Variants in HTR2C observed in about 807,000 individuals in gnomAD.
HTR2C encodes the protein 5-hydroxytryptamine (serotonin) receptor 2C, G protein-coupled.
Under a neutral mutation model 21.0 loss-of-function variants are expected in HTR2C, and 5 were observed. The ratio of observed to expected loss-of-function variants is 0.24; its 90% confidence interval spans 0.12 to 0.50. The LOEUF is 0.50. Ranked by LOEUF, HTR2C falls within the 20% of genes least tolerant of loss-of-function variation. HTR2C has a pLI of 0.98. For missense variants in HTR2C, 271 were observed against 371.2 expected (o/e 0.73, Z 2.22); for synonymous variants, 150 against 145.3 (o/e 1.03, Z -0.23).
intron 4 of HTR2C, among the ~76,000 whole-genome samples, chrX:114,805,968 T>TATATATATACC (rs2070420299): frequency 9.6e-5 from 3 of 31,274 alleles, no homozygotes; most frequent in Non-Finnish European, 2.3e-4. Context: ...ATATATACCA[T>TATATATATACC]ATATATACAC....
At chrX:114,776,792 G>A in intron 4 of HTR2C, 1 of 286,269 alleles carries the variant, frequency 3.5e-6, no homozygotes, top group South Asian at 5.1e-5. Context: ...TGGCGTGTAG[G>A]GCCGGCTCTG....
chrX:114,826,321 C>G (rs924275367), intron 4 of HTR2C, among the ~76,000 whole-genome samples: 28 of 111,011 alleles, frequency 2.5e-4, no homozygotes, highest in African/African-American at 7.9e-4. Flanking sequence ...CCACCTCAGC[C>G]TCCCAAAGTG....
chrX:114,789,106 GCCT>G (rs1556442843), intron 4 of HTR2C, among the ~76,000 whole-genome samples: 1 of 111,889 alleles, frequency 8.9e-6, no homozygotes, highest in Non-Finnish European at 1.9e-5. Context: ...GAAAGCTGAG[GCCT>G]CCTCCTTAGT....
At chrX:114,705,305 C>G (rs1199505004) in intron 2 of HTR2C, among the ~76,000 whole-genome samples, 2 of 111,612 alleles carry the variant, frequency 1.8e-5, no homozygotes, top group African/African-American at 6.5e-5. Context: ...TGACTTCAAA[C>G]TATACTACAA....
chrX:114,787,261 C>A (rs2070184890), intron 4 of HTR2C, among the ~76,000 whole-genome samples: 2 of 112,124 alleles, frequency 1.8e-5, no homozygotes, highest in Non-Finnish European at 3.8e-5. Flanking sequence ...CAAGATGTTA[C>A]AGAAGCCAAT....
chrX:114,805,928 C>T (rs1417510886), intron 4 of HTR2C, among the ~76,000 whole-genome samples: 1 of 39,824 alleles, frequency 2.5e-5, no homozygotes, highest in African/African-American at 7.4e-5. Flanking sequence ...TATATATACA[C>T]CATATATATA....
chrX:114,856,649 C>T (rs1255992488), intron 5 of HTR2C, among the ~76,000 whole-genome samples: 6 of 111,158 alleles, frequency 5.4e-5, no homozygotes, highest in Non-Finnish European at 1.1e-4. Flanking sequence ...GCAGAAGATG[C>T]GCTCTTCCTG....
chrX:114,748,416 A>G (rs1334199931), intron 4 of HTR2C, among the ~76,000 whole-genome samples: 1 of 111,569 alleles, frequency 9.0e-6, no homozygotes, highest in Non-Finnish European at 1.9e-5. Context: ...GCTGATCCTA[A>G]AATTTATGCA....
chrX:114,888,414 G>C (rs1016507571), intron 5 of HTR2C, among the ~76,000 whole-genome samples: 2 of 111,950 alleles, frequency 1.8e-5, no homozygotes, highest in Non-Finnish European at 3.8e-5. Flanking sequence ...TAGAGATCAA[G>C]TAGAAAAGTA....
intron 2 of HTR2C, among the ~76,000 whole-genome samples, chrX:114,649,711 G>A (rs1407557833): frequency 9.0e-6 from 1 of 110,894 alleles, no homozygotes; most frequent in Middle Eastern, 4.2e-3. Context: ...TGCCTCCCAG[G>A]TTCAAGCAAT....
At chrX:114,805,947 A>G (rs1602812469) in intron 4 of HTR2C, among the ~76,000 whole-genome samples, 1 of 75,834 alleles carries the variant, frequency 1.3e-5, no homozygotes, top group East Asian at 4.7e-4. Flanking sequence ...TACCATATAT[A>G]TATACACCAT....
chrX:114,665,813 AG>A (rs1556410814), intron 2 of HTR2C, among the ~76,000 whole-genome samples: 1 of 110,894 alleles, frequency 9.0e-6, no homozygotes, highest in African/African-American at 3.3e-5. Context: ...AGGAAGTGGA[AG>A]GGGAGGCAGG....
intron 2 of HTR2C, among the ~76,000 whole-genome samples, chrX:114,621,256 A>G (rs1556401660): frequency 9.0e-6 from 1 of 111,359 alleles, no homozygotes; most frequent in East Asian, 2.8e-4. Flanking sequence ...GAATCAGGGG[A>G]TGAGAAACTT....
chrX:114,686,120 C>A (rs782322286), intron 2 of HTR2C, among the ~76,000 whole-genome samples: 1 of 111,523 alleles, frequency 9.0e-6, no homozygotes, highest in South Asian at 3.8e-4. Flanking sequence ...TTATTGTTCC[C>A]AGACATGATT....
chrX:114,865,840 G>A (rs2071041442), intron 5 of HTR2C, among the ~76,000 whole-genome samples: 2 of 110,428 alleles, frequency 1.8e-5, no homozygotes, highest in South Asian at 7.6e-4. Context: ...TTTTGAGACA[G>A]GGTCTCCCTC....
chrX:114,800,562 C>T (rs146481550), intron 4 of HTR2C, among the ~76,000 whole-genome samples: 87 of 111,316 alleles, frequency 7.8e-4, no homozygotes, highest in African/African-American at 2.6e-3. Context: ...AATTCATTGG[C>T]ACTTCTTTGG....
intron 2 of HTR2C, among the ~76,000 whole-genome samples, chrX:114,694,642 G>A (rs913632261): frequency 9.2e-6 from 1 of 109,101 alleles, no homozygotes; most frequent in Non-Finnish European, 1.9e-5. Context: ...ACAGGCTCCC[G>A]CCACCATGAT....
chrX:114,749,862 T>G (rs1317021170), intron 4 of HTR2C, among the ~76,000 whole-genome samples: 1 of 112,309 alleles, frequency 8.9e-6, no homozygotes, highest in African/African-American at 3.2e-5. Context: ...CCCTTACCAT[T>G]ACATGATATT....
At chrX:114,725,478 A>G (rs1460948933) in intron 2 of HTR2C, among the ~76,000 whole-genome samples, 3 of 111,585 alleles carry the variant, frequency 2.7e-5, no homozygotes, top group Non-Finnish European at 3.8e-5. Flanking sequence ...CCCGTAGCTC[A>G]GAGTAATTTG....
Sources: gnomAD v4.1 joint callset for allele counts (sites outside exome capture counted in the v4.1 genomes callset) on GRCh38, gnomAD v4.1.1 for gene constraint, MANE v1.5 for transcripts, NCBI Gene and HGNC (gene_info 2026-07-23, HGNC 2026-07-21) for gene names.